The following MARCHF1 variants were observed in gnomAD, a reference collection of about 807,000 sequenced individuals.
MARCHF1 encodes E3 ubiquitin-protein ligase MARCHF1.
Under a neutral mutation model 54.2 loss-of-function variants are expected in MARCHF1, and 40 were observed. The observed-to-expected ratio is 0.74, with a 90% CI of 0.57 to 0.96. The LOEUF (loss-of-function observed/expected upper bound fraction) is 0.96, where lower values mean the gene tolerates loss of function less well. MARCHF1 is among the 40% of genes least tolerant of loss of function. MARCHF1 has a pLI of 0.00. For synonymous variants in MARCHF1, 236 were observed against 236.3 expected, an observed-to-expected ratio of 1.00 and a Z score of 0.01; for missense variants, 586 against 656.5, an observed-to-expected ratio of 0.89 and a Z score of 1.17.
At chr4:164,041,763 T>G (rs550569778) in intron 2 of MARCHF1, among the ~76,000 whole-genome samples, 3 of 152,272 alleles carry the variant, frequency 2.0e-5, no homozygotes, top group African/African-American at 7.2e-5. Flanking sequence ...GAAATCTGTT[T>G]GCAGAAACCC....
intron 8 of MARCHF1, among the ~76,000 whole-genome samples, chr4:163,561,352 T>C (rs539501616): frequency 6.6e-6 from 1 of 152,310 alleles, no homozygotes; most frequent in East Asian, 1.9e-4. Context: ...TATTCTCTCT[T>C]ATAGCTAGTT....
chr4:163,618,676 G>T (rs1741588057), intron 5 of MARCHF1, among the ~76,000 whole-genome samples: 1 of 152,090 alleles, frequency 6.6e-6, no homozygotes, highest in African/African-American at 2.4e-5. Context: ...AAAATAAAAT[G>T]AATCCTAGCT....
intron 4 of MARCHF1, among the ~76,000 whole-genome samples, chr4:163,797,592 G>T (rs182791930): frequency 1.3e-5 from 2 of 151,870 alleles, no homozygotes; most frequent in Admixed American, 1.3e-4. Flanking sequence ...ATTTTGCTCT[G>T]TACTACATTT....
chr4:163,699,464 T>C (rs1744738188), intron 5 of MARCHF1, among the ~76,000 whole-genome samples: 1 of 152,182 alleles, frequency 6.6e-6, no homozygotes, highest in African/African-American at 2.4e-5. Context: ...CAGCATAAGA[T>C]AATGTTGATA....
At chr4:164,083,491 A>G (rs958456641) in intron 2 of MARCHF1, among the ~76,000 whole-genome samples, 72 of 151,794 alleles carry the variant, frequency 4.7e-4, no homozygotes, top group African/African-American at 1.6e-3. Context: ...CTTGGTCCCA[A>G]TTTTTTTTTC....
At chr4:163,561,454 T>C (rs1739464445) in intron 8 of MARCHF1, among the ~76,000 whole-genome samples, 1 of 152,184 alleles carries the variant, frequency 6.6e-6, no homozygotes, top group East Asian at 1.9e-4. Context: ...AGGGAGAGGT[T>C]GGATACATAG....
intron 3 of MARCHF1, among the ~76,000 whole-genome samples, chr4:163,901,196 C>G (rs1374377840): frequency 6.6e-6 from 1 of 152,118 alleles, no homozygotes; most frequent in African/African-American, 2.4e-5. Context: ...AGTAAACATG[C>G]CCTGAGAATC....
At chr4:164,124,032 A>C (rs904933985) in intron 1 of MARCHF1, among the ~76,000 whole-genome samples, 2 of 152,116 alleles carry the variant, frequency 1.3e-5, no homozygotes, top group African/African-American at 4.8e-5. Context: ...AGAATATACA[A>C]GGAACTCAAT....
intron 3 of MARCHF1, among the ~76,000 whole-genome samples, chr4:163,953,236 A>G (rs930223974): frequency 2.0e-5 from 3 of 152,072 alleles, no homozygotes; most frequent in Non-Finnish European, 2.9e-5. Flanking sequence ...CATGCATCCT[A>G]TTGGGTGAGG....
intron 3 of MARCHF1, among the ~76,000 whole-genome samples, chr4:163,858,096 G>A (rs550468592): frequency 2.5e-5 from 1 of 40,770 alleles, no homozygotes; most frequent in African/African-American, 8.2e-5. Context: ...CACAACTCCG[G>A]GGGGTGGGGG....
intron 1 of MARCHF1, among the ~76,000 whole-genome samples, chr4:164,156,967 A>C (rs1205947592): frequency 3.3e-5 from 5 of 152,186 alleles, no homozygotes; most frequent in African/African-American, 1.2e-4. Flanking sequence ...ACTTGATTAC[A>C]TTCTGCACCT....
intron 3 of MARCHF1, among the ~76,000 whole-genome samples, chr4:163,926,475 A>G (rs1462614374): frequency 6.6e-6 from 1 of 151,574 alleles, no homozygotes; most frequent in African/African-American, 2.4e-5. Flanking sequence ...TGGTGAACAT[A>G]TACTCTTAAC....
At chr4:164,248,170 T>A (rs1008616993) in intron 1 of MARCHF1, among the ~76,000 whole-genome samples, 9 of 152,100 alleles carry the variant, frequency 5.9e-5, no homozygotes, top group African/African-American at 2.2e-4. Context: ...TACAACTTTT[T>A]AATTAAACAC....
At chr4:163,573,081 A>C (rs1219657340) in intron 8 of MARCHF1, among the ~76,000 whole-genome samples, 1 of 152,100 alleles carries the variant, frequency 6.6e-6, no homozygotes, top group African/African-American at 2.4e-5. Flanking sequence ...TCTCTCAGCT[A>C]TCTGTCTTAT....
chr4:163,626,973 C>A (rs930064582), intron 5 of MARCHF1, among the ~76,000 whole-genome samples: 3 of 151,908 alleles, frequency 2.0e-5, no homozygotes, highest in African/African-American at 7.3e-5. Context: ...CAGAAATAGG[C>A]CAAAAATGAT....
chr4:164,158,913 C>G (rs930123599), intron 1 of MARCHF1, among the ~76,000 whole-genome samples: 1 of 152,142 alleles, frequency 6.6e-6, no homozygotes, highest in Non-Finnish European at 1.5e-5. Flanking sequence ...TCATCCTCCT[C>G]CTAAACCTGC....
intron 2 of MARCHF1, among the ~76,000 whole-genome samples, chr4:164,101,179 C>A (rs1455421042): frequency 2.6e-5 from 4 of 152,310 alleles, no homozygotes; most frequent in South Asian, 4.1e-4. Context: ...AGCAGCGAGG[C>A]CGGGGGAGGG....
intron 8 of MARCHF1, among the ~76,000 whole-genome samples, chr4:163,555,072 C>A (rs1279763706): frequency 6.6e-6 from 1 of 152,006 alleles, no homozygotes; most frequent in Non-Finnish European, 1.5e-5. Context: ...GTAATGATAT[C>A]ACGCATAATG....
chr4:164,176,976 C>CTATA (rs1279533259), intron 1 of MARCHF1, among the ~76,000 whole-genome samples: 27 of 32,858 alleles, frequency 8.2e-4, no homozygotes, highest in Admixed American at 2.1e-3. Context: ...CTCTCTCTCT[C>CTATA]TCTCTATATA....
Sources: gnomAD v4.1 joint callset for allele counts (sites outside exome capture counted in the v4.1 genomes callset) on GRCh38, gnomAD v4.1.1 for gene constraint, MANE v1.5 for transcripts, NCBI Gene and HGNC (gene_info 2026-07-23, HGNC 2026-07-21) for gene names.